MAGI1: variants seen among roughly 807,000 people sequenced by gnomAD.
MAGI1 encodes the protein membrane-associated guanylate kinase, WW and PDZ domain-containing protein 1.
A neutral mutation model predicts 139.9 loss-of-function variants in MAGI1; 58 were observed. The observed-to-expected ratio is 0.41, with a 90% CI of 0.34 to 0.52. The LOEUF (loss-of-function observed/expected upper bound fraction) is 0.52, where lower values mean the gene tolerates loss of function less well. Among genes scored for constraint, MAGI1 ranks in the 20% least tolerant of loss-of-function variants. The pLI is 0.12. For synonymous variants in MAGI1, 812 were observed against 737.9 expected, an observed-to-expected ratio of 1.10 and a Z score of -1.63; for missense variants, 1,874 against 1,901.6, an observed-to-expected ratio of 0.99 and a Z score of 0.27.
At chr3:65,453,056 C>T (rs1949137388) in intron 6 of MAGI1, 2 of 577,298 alleles carry the variant, frequency 3.5e-6, no homozygotes, top group African/African-American at 3.7e-5. Context: ...AAGCATCTGT[C>T]TTTATGTGTA....
chr3:66,020,957 A>C (rs1473373873), intron 1 of MAGI1, among the ~76,000 whole-genome samples: 1 of 152,192 alleles, frequency 6.6e-6, no homozygotes. Context: ...CCGATTAAAA[A>C]GAAAAAGGCC....
chr3:65,657,866 G>A (rs1460238121), intron 1 of MAGI1, among the ~76,000 whole-genome samples: 1 of 152,066 alleles, frequency 6.6e-6, no homozygotes, highest in Non-Finnish European at 1.5e-5. Flanking sequence ...GATGATACTG[G>A]GAAGGTCACT....
At chr3:65,475,560 G>T (rs1420844195) in intron 4 of MAGI1, among the ~76,000 whole-genome samples, 1 of 152,144 alleles carries the variant, frequency 6.6e-6, no homozygotes, top group African/African-American at 2.4e-5. Context: ...AAAAGTCTTT[G>T]TTTGTGTATA....
intron 5 of MAGI1, among the ~76,000 whole-genome samples, chr3:65,467,592 C>T (rs1950249563): frequency 6.6e-6 from 1 of 152,148 alleles, no homozygotes; most frequent in Admixed American, 6.5e-5. Context: ...TCAGCTAAAA[C>T]CTAAGTTATA....
chr3:65,897,304 C>A (rs2061011651), intron 1 of MAGI1, among the ~76,000 whole-genome samples: 1 of 152,144 alleles, frequency 6.6e-6, no homozygotes, highest in Non-Finnish European at 1.5e-5. Context: ...GGGGCCAAGG[C>A]AGGAGGATAG....
chr3:65,873,040 C>T (rs1227765336), intron 1 of MAGI1: 4 of 152,168 alleles, frequency 2.6e-5, no homozygotes, highest in Non-Finnish European at 5.9e-5. Flanking sequence ...TATTAACACA[C>T]TTTATGTATT....
intron 1 of MAGI1, among the ~76,000 whole-genome samples, chr3:65,799,758 T>C (rs767739345): frequency 1.3e-5 from 2 of 152,198 alleles, no homozygotes; most frequent in Non-Finnish European, 2.9e-5. Flanking sequence ...ACAAAACTCA[T>C]ATTTATGTGT....
At chr3:65,817,804 A>G (rs1466457120) in intron 1 of MAGI1, among the ~76,000 whole-genome samples, 9 of 152,226 alleles carry the variant, frequency 5.9e-5, no homozygotes, top group Admixed American at 5.9e-4. Context: ...GTAACAAAAA[A>G]GGAGGCTTTG....
At chr3:65,787,740 G>T (rs761747034) in intron 1 of MAGI1, among the ~76,000 whole-genome samples, 2 of 151,954 alleles carry the variant, frequency 1.3e-5, no homozygotes, top group African/African-American at 2.4e-5. Flanking sequence ...GCCTTGGGTG[G>T]TTAAAAATAA....
At chr3:65,710,269 C>CTTTTTTTTTTT (rs1175790063) in intron 1 of MAGI1, among the ~76,000 whole-genome samples, 2 of 66,906 alleles carry the variant, frequency 3.0e-5, no homozygotes, top group African/African-American at 1.3e-4. Context: ...CCTTACATTT[C>CTTTTTTTTTTT]TTTTTTTTTT....
chr3:65,865,016 T>C lies in MAGI1; in HGVS notation c.313+172980A>G, dbSNP rs559150127. ...CACACCTACGTACATACAGAGAGGG[T>C]TGATATAACACTCGGATAGACACTA... On this transcript the variant is annotated intron_variant, in intron 1 of 22. Coordinates refer to ENST00000402939, the MANE Select transcript of MAGI1 (RefSeq NM_001033057.2). 2.6e-5 allele frequency among the ~76,000 whole-genome samples: 4 copies of C among 151,974 alleles called. No homozygotes were observed. The East Asian group carries it at 5.8e-4, about 22-fold the overall frequency.
chr3:65,993,013 T>G lies in MAGI1; in HGVS notation c.313+44983A>C, dbSNP rs184192665. 3.4e-3 allele frequency among the ~76,000 whole-genome samples: 517 copies of G among 152,040 alleles called. 5 individuals are homozygous for G. The highest frequency in any genetic ancestry group is 6.2e-3 in the Admixed American group (95 of 15,262). On this transcript the variant is annotated intron_variant, in intron 1 of 22. Coordinates refer to ENST00000402939, the MANE Select transcript of MAGI1 (RefSeq NM_001033057.2). ...CTATGTTTTTTTTAATTATTTTTAG[T>G]AGAGGCAGGGTCTCACTATATTGCC...
At chr3:65,540,892 G>A (rs545580328) in intron 2 of MAGI1, among the ~76,000 whole-genome samples, 1 of 152,334 alleles carries the variant, frequency 6.6e-6, no homozygotes, top group African/African-American at 2.4e-5. Context: ...GGGAAGAGCA[G>A]CCAGGCTGAG....
rs9847527 is a variant in MAGI1 at position 65,406,199 on chromosome 3, T to C, written c.2168-4729A>G. ...CCTCATAGATTAGGACCTGTGCTTGTCCTACTGATTAAATGTAAATACGGA... is the reference window on the plus strand; with the variant it reads ...CCTCATAGATTAGGACCTGTGCTTGCCCTACTGATTAAATGTAAATACGGA... On this transcript the variant is annotated intron_variant, in intron 12 of 22. Coordinates refer to ENST00000402939, the MANE Select transcript of MAGI1 (RefSeq NM_001033057.2). Among the ~76,000 whole-genome samples, 810 of 152,148 alleles carry C rather than the reference T, an allele frequency of 5.3e-3. 9 individuals are homozygous for C. Among genetic ancestry groups the C allele is most frequent in the African/African-American group, 0.019 (779 of 41,524 alleles).
At chr3:65,414,274 C>A (rs11712543) in intron 12 of MAGI1, among the ~76,000 whole-genome samples, 56,850 of 152,114 alleles carry the variant, frequency 0.37, 11,049 homozygotes, top group South Asian at 0.51. Flanking sequence ...CGGTTCACCC[C>A]ATTTTTGTCT....
At chr3:65,480,561 G>C (rs1432053844) in intron 3 of MAGI1, among the ~76,000 whole-genome samples, 2 of 148,930 alleles carry the variant, frequency 1.3e-5, no homozygotes, top group Admixed American at 6.8e-5. Flanking sequence ...CTTCTATCAG[G>C]CTTTATTCTT....
intron 1 of MAGI1, among the ~76,000 whole-genome samples, chr3:65,735,172 A>G (rs986857525): frequency 6.6e-6 from 1 of 152,140 alleles, no homozygotes; most frequent in Non-Finnish European, 1.5e-5. Context: ...CTGTATTCCT[A>G]GCATTTAATT....
intron 1 of MAGI1, among the ~76,000 whole-genome samples, chr3:65,807,492 T>C (rs1284899089): frequency 2.0e-5 from 3 of 152,120 alleles, no homozygotes; most frequent in Admixed American, 1.3e-4. Flanking sequence ...TTCAACACGA[T>C]TCCGGGGCAG....
At position 65,931,078 on chromosome 3, in the gene MAGI1, G is replaced by A. The variant is rs1252170335; in HGVS notation, c.313+106918C>T. Among the ~76,000 whole-genome samples the A allele has an allele frequency of 2.8e-5, 4 of 143,130 alleles. No homozygotes were observed. The South Asian group carries it at 6.3e-4, about 23-fold the overall frequency. 93.9% of individuals were successfully genotyped at this position (143,130 alleles called of 152,430 possible). On this transcript the variant is annotated intron_variant, in intron 1 of 22. Coordinates refer to ENST00000402939, the MANE Select transcript of MAGI1 (RefSeq NM_001033057.2). ...GATAGAGCCTCACTCTGTGTCCCAG[G>A]GTAGAGTGCAGTGGCACAGTCTTGG...
Sources: gnomAD v4.1 joint callset for allele counts (sites outside exome capture counted in the v4.1 genomes callset) on GRCh38, gnomAD v4.1.1 for gene constraint, MANE v1.5 for transcripts, NCBI Gene and HGNC (gene_info 2026-07-23, HGNC 2026-07-21) for gene names.